The following PAPPA2 variants were observed in gnomAD, a reference collection of about 807,000 sequenced individuals.
The protein encoded by PAPPA2 is pappalysin-2.
A neutral mutation model predicts 176.4 loss-of-function variants in PAPPA2; 86 were observed. That is an observed-to-expected ratio of 0.49 (90% CI 0.41 to 0.58). The LOEUF (loss-of-function observed/expected upper bound fraction) is 0.58. Among genes scored for constraint, PAPPA2 ranks in the 20% least tolerant of loss-of-function variants. The pLI is 0.00. For synonymous variants in PAPPA2, 809 were observed against 852.2 expected (o/e 0.95, Z 0.88); for missense variants, 2,073 against 2,256.9 (o/e 0.92, Z 1.65).
At chr1:176,727,737 A>T (rs1661949587) in intron 12 of PAPPA2, among the ~76,000 whole-genome samples, 1 of 152,072 alleles carries the variant, frequency 6.6e-6, no homozygotes, top group African/African-American at 2.4e-5. Context: ...TTGTAGAAAC[A>T]CTACACTCAA....
chr1:176,687,046 AG>A, intron 4 of PAPPA2, among the ~76,000 whole-genome samples: 1 of 152,334 alleles, frequency 6.6e-6, no homozygotes, highest in South Asian at 2.1e-4. Context: ...TCCTGAAATT[AG>A]AGCAATATTT....
At chr1:176,796,708 CTTTT>C (rs756628868) in intron 20 of PAPPA2, among the ~76,000 whole-genome samples, 1 of 129,502 alleles carries the variant, frequency 7.7e-6, no homozygotes, top group East Asian at 2.2e-4. Context: ...CTCTTTCTTT[CTTTT>C]TCTTTCTTTC....
chr1:176,673,659 A>G (rs12120886), intron 4 of PAPPA2, among the ~76,000 whole-genome samples: 9,973 of 152,278 alleles, frequency 0.065, 358 homozygotes, highest in South Asian at 0.14. Flanking sequence ...TAACTTTATT[A>G]GAATTGGGCA....
At chr1:176,484,165 C>A (rs766291731) in intron 1 of PAPPA2, among the ~76,000 whole-genome samples, 9 of 152,134 alleles carry the variant, frequency 5.9e-5, no homozygotes, top group African/African-American at 1.9e-4. Flanking sequence ...AATTTCAATC[C>A]GTTCTCCTCC....
At chr1:176,762,042 A>G (rs183883682) in intron 14 of PAPPA2, among the ~76,000 whole-genome samples, 56 of 152,320 alleles carry the variant, frequency 3.7e-4, no homozygotes, top group African/African-American at 1.3e-3. Flanking sequence ...GTGGAAGAGA[A>G]ACACAAAAGG....
intron 12 of PAPPA2, among the ~76,000 whole-genome samples, chr1:176,720,723 A>G (rs1164435949): frequency 2.0e-5 from 3 of 152,092 alleles, no homozygotes; most frequent in Admixed American, 1.3e-4. Flanking sequence ...ATTAAGTCTC[A>G]TGATAGGCCC....
At chr1:176,642,739 A>G (rs1379376829) in intron 3 of PAPPA2, among the ~76,000 whole-genome samples, 1 of 151,954 alleles carries the variant, frequency 6.6e-6, no homozygotes, top group African/African-American at 2.4e-5. Context: ...TGTTAGGGGT[A>G]AGAATGAATA....
intron 1 of PAPPA2, among the ~76,000 whole-genome samples, chr1:176,533,856 G>A (rs529133232): frequency 1.1e-3 from 161 of 152,322 alleles, no homozygotes; most frequent in African/African-American, 3.6e-3. Context: ...CAACAGAGCA[G>A]CCACTAGCTG....
intron 1 of PAPPA2, among the ~76,000 whole-genome samples, chr1:176,473,310 C>A (rs1651969080): frequency 1.3e-5 from 2 of 152,160 alleles, no homozygotes; most frequent in South Asian, 4.2e-4. Context: ...GGATTGGCTT[C>A]TTTCACTTAG....
chr1:176,563,401 C>G (rs1347428073), intron 2 of PAPPA2, among the ~76,000 whole-genome samples: 1 of 152,090 alleles, frequency 6.6e-6, no homozygotes, highest in Non-Finnish European at 1.5e-5. Context: ...AAGTTTAAAC[C>G]CCAGAACTCT....
At chr1:176,627,442 C>T (rs1206181000) in intron 3 of PAPPA2, among the ~76,000 whole-genome samples, 1 of 152,148 alleles carries the variant, frequency 6.6e-6, no homozygotes, top group Non-Finnish European at 1.5e-5. Context: ...ATAAATTACA[C>T]AAAGAGCAGT....
intron 3 of PAPPA2, among the ~76,000 whole-genome samples, chr1:176,634,375 G>A (rs950056882): frequency 2.0e-5 from 3 of 152,078 alleles, no homozygotes; most frequent in Non-Finnish European, 4.4e-5. Flanking sequence ...TCACTAATAG[G>A]TGGGAATTGA....
chr1:176,766,046 G>A (rs1406782029), intron 15 of PAPPA2, among the ~76,000 whole-genome samples: 1 of 152,162 alleles, frequency 6.6e-6, no homozygotes, highest in Non-Finnish European at 1.5e-5. Context: ...TGGGTTGGTG[G>A]GCAGTAAAGG....
At chr1:176,504,676 A>G (rs1174290625) in intron 1 of PAPPA2, among the ~76,000 whole-genome samples, 1 of 152,104 alleles carries the variant, frequency 6.6e-6, no homozygotes, top group African/African-American at 2.4e-5. Flanking sequence ...GTTTTCTTAC[A>G]TTTCCCCTCT....
chr1:176,546,164 A>G (rs1242784275), intron 1 of PAPPA2, among the ~76,000 whole-genome samples: 1 of 152,194 alleles, frequency 6.6e-6, no homozygotes, highest in Non-Finnish European at 1.5e-5. Flanking sequence ...TCCTTTGTCT[A>G]GGGCTGCTTC....
At position 176,594,929 on chromosome 1, in the gene PAPPA2, C is replaced by T; in HGVS notation, c.1325C>T (p.Ser442Phe). Residue 442 changes from serine (S) to phenylalanine (F), a missense_variant, in exon 3 of 23, where the codon TCT becomes TTT. Transcript: ENST00000367662. ...CCACAAAGCCATTTTCAGCACAGTT[C>T]TCAGCATTCAAGTGGGGAGGAGGAA... ...ALPQSHFQHS[S>F]QHSSGEEEAT... 1 of 1,614,230 alleles carries T rather than the reference C, an allele frequency of 6.2e-7. No homozygotes were observed. Among genetic ancestry groups the T allele is most frequent in the Non-Finnish European group, 8.5e-7 (1 of 1,180,050 alleles).
intron 3 of PAPPA2, among the ~76,000 whole-genome samples, chr1:176,610,213 A>G (rs1444770298): frequency 2.0e-5 from 3 of 151,650 alleles, no homozygotes; most frequent in Non-Finnish European, 4.4e-5. Context: ...CTCCTATTCC[A>G]TAGCCATTCC....
At chr1:176,648,943 T>C (rs921052381) in intron 3 of PAPPA2, among the ~76,000 whole-genome samples, 2 of 151,588 alleles carry the variant, frequency 1.3e-5, no homozygotes, top group Non-Finnish European at 3.0e-5. Flanking sequence ...AAGGCTGGCC[T>C]CATAAAATGA....
At chr1:176,483,342 TA>T (rs1652490758) in intron 1 of PAPPA2, among the ~76,000 whole-genome samples, 1 of 151,362 alleles carries the variant, frequency 6.6e-6, no homozygotes, top group Non-Finnish European at 1.5e-5. Flanking sequence ...AGAGAAGAGG[TA>T]AAAAAGGACT....
Sources: gnomAD v4.1 joint callset for allele counts (sites outside exome capture counted in the v4.1 genomes callset) on GRCh38, gnomAD v4.1.1 for gene constraint, MANE v1.5 for transcripts, NCBI Gene and HGNC (gene_info 2026-07-23, HGNC 2026-07-21) for gene names.